Variants in RCAN2 observed in about 807,000 individuals in gnomAD.
The protein encoded by RCAN2 is regulator of calcineurin 2.
Under a neutral mutation model 23.6 loss-of-function variants are expected in RCAN2, and 9 were observed. The observed-to-expected ratio is 0.38, with a 90% CI of 0.23 to 0.67. The LOEUF (loss-of-function observed/expected upper bound fraction) is 0.67. Among genes scored for constraint, RCAN2 ranks in the 30% least tolerant of loss-of-function variants. The pLI, the probability that RCAN2 is intolerant of heterozygous loss-of-function variation, is 0.51. For missense variants in RCAN2, 273 were observed against 302.3 expected, an observed-to-expected ratio of 0.90 and a Z score of 0.72; for synonymous variants, 109 against 115.7, an observed-to-expected ratio of 0.94 and a Z score of 0.37.
At chr6:46,415,227 G>A (rs748039726) in intron 2 of RCAN2, among the ~76,000 whole-genome samples, 16 of 152,152 alleles carry the variant, frequency 1.1e-4, no homozygotes, top group Non-Finnish European at 2.1e-4. Flanking sequence ...AGCTGATGAC[G>A]GCGGAACCAG....
In RCAN2 at chr6:46,248,879, C is replaced by G. The variant is rs766934770; in HGVS notation, c.243G>C (p.Leu81=). 1 of 1,605,554 alleles carries G rather than the reference C, an allele frequency of 6.2e-7. No homozygotes were observed. Among genetic ancestry groups the G allele is most frequent in the Non-Finnish European group, 8.5e-7 (1 of 1,176,920 alleles). The change falls in exon 3 of 5, where the codon CTG becomes CTC. Residue 81 remains leucine (L), a synonymous_variant. Transcript: ENST00000371374. ...TCACACAGTCATCATAAGTCCGAAA[C>G]AGTCCCTCAAATTTTTCCTGATAAA... is the stretch of plus-strand genomic sequence containing the variant. ...GEESKEKFEG[L]FRTYDDCVTF...
chr6:46,392,126 T>A (rs1582164880), intron 2 of RCAN2, among the ~76,000 whole-genome samples: 1 of 152,130 alleles, frequency 6.6e-6, no homozygotes, highest in African/African-American at 2.4e-5. Context: ...AGTTTAAAAA[T>A]GTACATGTAA....
At chr6:46,377,874 G>T (rs1053176084) in intron 2 of RCAN2, among the ~76,000 whole-genome samples, 2 of 152,156 alleles carry the variant, frequency 1.3e-5, no homozygotes, top group Non-Finnish European at 2.9e-5. Flanking sequence ...CTTGGGTTAT[G>T]ATATCCGCTC....
At chr6:46,243,096 T>C (rs1400260426) in intron 4 of RCAN2, among the ~76,000 whole-genome samples, 1 of 151,940 alleles carries the variant, frequency 6.6e-6, no homozygotes, top group Admixed American at 6.6e-5. Flanking sequence ...TGGCACCTGG[T>C]TGGGAAGGGG....
intron 2 of RCAN2, among the ~76,000 whole-genome samples, chr6:46,349,707 A>G (rs1313197904): frequency 6.6e-6 from 1 of 152,164 alleles, no homozygotes; most frequent in East Asian, 1.9e-4. Flanking sequence ...CCATCAAAGA[A>G]AATCTCAGAT....
chr6:46,244,487 C>T (rs1766442847), intron 4 of RCAN2, among the ~76,000 whole-genome samples: 1 of 152,044 alleles, frequency 6.6e-6, no homozygotes, highest in Non-Finnish European at 1.5e-5. Context: ...TGGAACTTGC[C>T]CCTAGCTTTT....
chr6:46,440,703 A>G (rs1269952007), intron 2 of RCAN2, among the ~76,000 whole-genome samples: 1 of 152,142 alleles, frequency 6.6e-6, no homozygotes, highest in East Asian at 1.9e-4. Flanking sequence ...TTTTAATTTG[A>G]GTTTCCTAGA....
chr6:46,251,539 A>T (rs1339074174), intron 2 of RCAN2, among the ~76,000 whole-genome samples: 1 of 152,138 alleles, frequency 6.6e-6, no homozygotes. Context: ...TCACCTCTCC[A>T]ATGCCTGAGC....
At chr6:46,416,157 T>A (rs1378089703) in intron 2 of RCAN2, among the ~76,000 whole-genome samples, 2 of 152,020 alleles carry the variant, frequency 1.3e-5, no homozygotes, top group African/African-American at 2.4e-5. Flanking sequence ...ATATGAATTA[T>A]CTCTCAATAA....
At chr6:46,285,705 A>G (rs746420058) in intron 2 of RCAN2, among the ~76,000 whole-genome samples, 1 of 152,054 alleles carries the variant, frequency 6.6e-6, no homozygotes, top group Non-Finnish European at 1.5e-5. Flanking sequence ...GATCTTTGCT[A>G]TTATTGGGTA....
intron 2 of RCAN2, among the ~76,000 whole-genome samples, chr6:46,373,339 A>G (rs937715637): frequency 1.3e-5 from 2 of 152,046 alleles, no homozygotes; most frequent in African/African-American, 4.8e-5. Context: ...ATCTTGGCTC[A>G]CTGCAACCTC....
intron 2 of RCAN2, among the ~76,000 whole-genome samples, chr6:46,364,911 G>A (rs994411785): frequency 2.6e-5 from 4 of 152,182 alleles, no homozygotes; most frequent in African/African-American, 9.6e-5. Context: ...AACCAGCCAG[G>A]TACTCACCAG....
At chr6:46,330,629 T>G (rs1763937540) in intron 2 of RCAN2, among the ~76,000 whole-genome samples, 1 of 152,182 alleles carries the variant, frequency 6.6e-6, no homozygotes, top group Non-Finnish European at 1.5e-5. Context: ...CCCCTCTCCT[T>G]GATCGCATCC....
At chr6:46,473,218 T>C (rs962845237) in intron 1 of RCAN2, among the ~76,000 whole-genome samples, 1 of 152,178 alleles carries the variant, frequency 6.6e-6, no homozygotes, top group African/African-American at 2.4e-5. Context: ...ATACCAATGC[T>C]TTTCTCTCCT....
chr6:46,352,187 C>T (rs969607099), intron 2 of RCAN2, among the ~76,000 whole-genome samples: 1 of 152,182 alleles, frequency 6.6e-6, no homozygotes, highest in African/African-American at 2.4e-5. Flanking sequence ...TCTCTGTTCA[C>T]AGGAAAGGCT....
intron 1 of RCAN2, among the ~76,000 whole-genome samples, chr6:46,471,670 G>C (rs1232525418): frequency 6.6e-6 from 1 of 152,044 alleles, no homozygotes; most frequent in Non-Finnish European, 1.5e-5. Context: ...TCAGGGGAGA[G>C]GGGAATAAAA....
chr6:46,362,434 T>G (rs1304249984), intron 2 of RCAN2, among the ~76,000 whole-genome samples: 1 of 151,880 alleles, frequency 6.6e-6, no homozygotes, highest in Non-Finnish European at 1.5e-5. Context: ...TAAGGTATTA[T>G]AAGGTAATCT....
intron 2 of RCAN2, among the ~76,000 whole-genome samples, chr6:46,350,056 C>A (rs575999649): frequency 6.6e-6 from 1 of 152,294 alleles, no homozygotes; most frequent in East Asian, 1.9e-4. Flanking sequence ...TTTATTACCA[C>A]CTATCACATC....
intron 2 of RCAN2, among the ~76,000 whole-genome samples, chr6:46,277,846 G>T (rs969626036): frequency 2.0e-5 from 3 of 151,922 alleles, no homozygotes; most frequent in African/African-American, 7.3e-5. Context: ...ATGATAAAAG[G>T]ATCTAAAAAG....
Sources: gnomAD v4.1 joint callset for allele counts (sites outside exome capture counted in the v4.1 genomes callset) on GRCh38, gnomAD v4.1.1 for gene constraint, MANE v1.5 for transcripts, NCBI Gene and HGNC (gene_info 2026-07-23, HGNC 2026-07-21) for gene names.